ACVR1: variants seen among roughly 807,000 people sequenced by gnomAD.
ACVR1 encodes activin receptor type-1.
A neutral mutation model predicts 57.1 loss-of-function variants in ACVR1; 38 were observed. The ratio of observed to expected loss-of-function variants is 0.67; its 90% confidence interval spans 0.51 to 0.87. The LOEUF is 0.87. Ranked by LOEUF, ACVR1 falls within the 40% of genes least tolerant of loss-of-function variation. The pLI, the probability that ACVR1 is intolerant of heterozygous loss-of-function variation, is 0.00. For missense variants in ACVR1, 463 were observed against 638.2 expected (o/e 0.73, Z 2.96); for synonymous variants, 212 against 228.1 (o/e 0.93, Z 0.63).
intron 1 of ACVR1, among the ~76,000 whole-genome samples, chr2:157,836,268 G>A (rs1302702541): frequency 3.3e-5 from 5 of 152,174 alleles, no homozygotes; most frequent in African/African-American, 2.4e-5. Flanking sequence ...TAAGAACAAG[G>A]TTTGCCCGTG....
Position 157,780,600 on chromosome 2 carries a change from T to G in ACVR1, c.68A>C (p.Asp23Ala). The G allele has an allele frequency of 6.2e-7, 1 of 1,611,982 alleles. No individual in the cohort carries two copies. The highest frequency in any genetic ancestry group is 8.5e-7 in the Non-Finnish European group (1 of 1,179,600). ...TTTGGGGTTGACCTTGGGCTTCTCA[T>G]CTGCAAAGGAGAGAAAGGAAGGGGA... is the stretch of plus-strand genomic sequence containing the variant. ...MIALPSPSME[D>A]EKPKVNPKLY... Residue 23 changes from aspartate (D) to alanine (A), a missense_variant and splice_region_variant, in exon 4 of 11, where the codon GAT becomes GCT. By Grantham distance (126) the Asp-to-Ala change is moderately radical. Coordinates refer to ENST00000434821, the MANE Select transcript of ACVR1 (RefSeq NM_001111067.4).
intron 3 of ACVR1, among the ~76,000 whole-genome samples, chr2:157,797,782 C>T (rs1159740845): frequency 2.6e-5 from 4 of 152,136 alleles, no homozygotes; most frequent in Admixed American, 6.5e-5. Flanking sequence ...GAATTAGACT[C>T]CTAGGGCCTG....
chr2:157,778,438 AC>A, intron 4 of ACVR1, 96 bp from the exon 5 acceptor site: 1 of 1,022,728 alleles, frequency 9.8e-7, no homozygotes, highest in Non-Finnish European at 1.5e-6. Context: ...CCTGATCCTG[AC>A]CACACAGTCT....
chr2:157,834,644 T>C (rs1002588222), intron 1 of ACVR1, among the ~76,000 whole-genome samples: 1 of 150,918 alleles, frequency 6.6e-6, no homozygotes, highest in Non-Finnish European at 1.5e-5. Flanking sequence ...GTATATCAAA[T>C]AAATAAATAT....
chr2:157,806,172 T>C (rs1415363161), intron 2 of ACVR1, among the ~76,000 whole-genome samples: 1 of 152,168 alleles, frequency 6.6e-6, no homozygotes. Context: ...GAACTTCAAC[T>C]GAAAATCTTT....
At chr2:157,737,739 T>G in intron 10 of ACVR1, 74 bp from the exon 11 acceptor site, 1 of 1,579,198 alleles carries the variant, frequency 6.3e-7, no homozygotes, top group South Asian at 1.1e-5. Flanking sequence ...GCTGATATCA[T>G]GTCTACTATT....
intron 1 of ACVR1, among the ~76,000 whole-genome samples, chr2:157,872,225 A>G (rs1038022486): frequency 3.3e-5 from 5 of 152,292 alleles, no homozygotes; most frequent in Admixed American, 3.3e-4. Flanking sequence ...AAAACAGGAG[A>G]TTCTGCGGAT....
chr2:157,848,117 T>G (rs1438017945), intron 1 of ACVR1, among the ~76,000 whole-genome samples: 1 of 152,182 alleles, frequency 6.6e-6, no homozygotes, highest in Non-Finnish European at 1.5e-5. Flanking sequence ...GAAATCTGAA[T>G]GAAGTATAGC....
At chr2:157,758,170 C>T (rs1160757507) in intron 9 of ACVR1, among the ~76,000 whole-genome samples, 1 of 151,850 alleles carries the variant, frequency 6.6e-6, no homozygotes, top group African/African-American at 2.4e-5. Context: ...CAAAAGCAAA[C>T]AGAGGTAGCT....
intron 1 of ACVR1, among the ~76,000 whole-genome samples, chr2:157,824,085 T>C (rs915614490): frequency 6.6e-6 from 1 of 152,192 alleles, no homozygotes; most frequent in East Asian, 1.9e-4. Context: ...GGAGCAGCTA[T>C]AAGAAGAGAA....
chr2:157,772,179 A>G (rs1686094157), intron 6 of ACVR1, among the ~76,000 whole-genome samples: 1 of 152,198 alleles, frequency 6.6e-6, no homozygotes, highest in African/African-American at 2.4e-5. Context: ...AAGTTGTTAA[A>G]TGCTTTTTGC....
chr2:157,770,598 G>T, intron 6 of ACVR1, 84 bp from the exon 7 acceptor site: 1 of 1,360,510 alleles, frequency 7.4e-7, no homozygotes, highest in Non-Finnish European at 1.0e-6. Flanking sequence ...TTAATTTAGT[G>T]CATGCAACTC....
intron 2 of ACVR1, among the ~76,000 whole-genome samples, chr2:157,804,485 CT>C (rs1456391682): frequency 2.6e-5 from 4 of 152,088 alleles, no homozygotes; most frequent in African/African-American, 9.7e-5. Flanking sequence ...CAACTAAATC[CT>C]TGTGCAAGGC....
chr2:157,786,516 C>G (rs547576077), intron 3 of ACVR1, among the ~76,000 whole-genome samples: 217 of 152,320 alleles, frequency 1.4e-3, no homozygotes, highest in African/African-American at 4.9e-3. Context: ...CTGAGCAAAC[C>G]ATTTCTTCCT....
chr2:157,803,876 A>T (rs1289897926), intron 2 of ACVR1, among the ~76,000 whole-genome samples: 1 of 151,964 alleles, frequency 6.6e-6, no homozygotes, highest in African/African-American at 2.4e-5. Context: ...AAAATATTAT[A>T]TTCATAATAA....
At chr2:157,792,518 C>T (rs1008952575) in intron 3 of ACVR1, among the ~76,000 whole-genome samples, 4 of 152,214 alleles carry the variant, frequency 2.6e-5, no homozygotes, top group Non-Finnish European at 4.4e-5. Context: ...TTGAGGAATA[C>T]ACCAGATGAC....
chr2:157,790,585 G>A (rs913730312), intron 3 of ACVR1, among the ~76,000 whole-genome samples: 3 of 152,128 alleles, frequency 2.0e-5, no homozygotes, highest in Non-Finnish European at 2.9e-5. Context: ...ATTATTATTA[G>A]ATTATTGTTG....
At chr2:157,865,857 T>TAGATAGATAGAC (rs1553452966) in intron 1 of ACVR1, among the ~76,000 whole-genome samples, 3 of 150,794 alleles carry the variant, frequency 2.0e-5, no homozygotes, top group Non-Finnish European at 3.0e-5. Context: ...GATAGATAGA[T>TAGATAGATAGAC]AGATAGATTG....
chr2:157,856,427 C>T (rs956137963), intron 1 of ACVR1, among the ~76,000 whole-genome samples: 2 of 152,190 alleles, frequency 1.3e-5, no homozygotes, highest in African/African-American at 4.8e-5. Flanking sequence ...ATCCTAGTGC[C>T]ATATCTATAA....
Sources: gnomAD v4.1 joint callset for allele counts (sites outside exome capture counted in the v4.1 genomes callset) on GRCh38, gnomAD v4.1.1 for gene constraint, MANE v1.5 for transcripts, NCBI Gene and HGNC (gene_info 2026-07-23, HGNC 2026-07-21) for gene names.